KLHL29: variants seen among roughly 807,000 people sequenced by gnomAD.
KLHL29 encodes the protein kelch like family member 29.
A neutral mutation model predicts 80.4 loss-of-function variants in KLHL29; 21 were observed. That is an observed-to-expected ratio of 0.26 (90% CI 0.19 to 0.38). The LOEUF (loss-of-function observed/expected upper bound fraction) is 0.38, where lower values mean the gene tolerates loss of function less well. KLHL29 is among the 10% of genes least tolerant of loss of function. The pLI is 1.00. For missense variants in KLHL29, 867 were observed against 1,223.9 expected, an observed-to-expected ratio of 0.71 and a Z score of 4.35; for synonymous variants, 511 against 526.8, an observed-to-expected ratio of 0.97 and a Z score of 0.41.
intron 11 of KLHL29, among the ~76,000 whole-genome samples, chr2:23,699,455 C>T (rs55801864): frequency 0.099 from 15,069 of 152,214 alleles, 854 homozygotes; most frequent in Middle Eastern, 0.17. Flanking sequence ...CCAAGGAACC[C>T]GACAGAAACA....
At chr2:23,449,824 G>C (rs1302997177) in intron 1 of KLHL29, among the ~76,000 whole-genome samples, 1 of 152,138 alleles carries the variant, frequency 6.6e-6, no homozygotes, top group Non-Finnish European at 1.5e-5. Context: ...GCTTGGATGA[G>C]AGGCGTGGAG....
intron 3 of KLHL29, among the ~76,000 whole-genome samples, chr2:23,612,920 A>G (rs1040547639): frequency 2.4e-4 from 37 of 152,342 alleles, no homozygotes; most frequent in Admixed American, 2.3e-3. Context: ...AAGATAAAAA[A>G]TCTCTTATGA....
rs1488970964 is a variant in KLHL29 at position 23,707,311 on chromosome 2, GAGA to G, written c.*650_*652del. On this transcript the variant is annotated 3_prime_UTR_variant, in exon 14 of 14. Transcript: ENST00000486442. ...AGGTTTTTCTACTGTGTTTTTGCTGGAGAAGGACAGTGATTGCGCTAGCTTTCT... is the reference window on the plus strand; with the variant it reads ...AGGTTTTTCTACTGTGTTTTTGCTGGAGGACAGTGATTGCGCTAGCTTTCT... The G allele has an allele frequency of 6.6e-6, 1 of 152,196 alleles. No individual in the cohort carries two copies. The highest frequency in any genetic ancestry group is 2.4e-5 in the African/African-American group (1 of 41,446). 9.4% of individuals were successfully genotyped at this position (152,196 alleles called of 1,614,324 possible).
intron 5 of KLHL29, among the ~76,000 whole-genome samples, chr2:23,679,403 T>C (rs1029435170): frequency 1.9e-4 from 29 of 152,322 alleles, no homozygotes; most frequent in African/African-American, 6.7e-4. Context: ...GGCTTGTTCC[T>C]ATGGTGGTGG....
chr2:23,402,069 C>T (rs960951800), intron 1 of KLHL29, among the ~76,000 whole-genome samples: 1 of 152,164 alleles, frequency 6.6e-6, no homozygotes, highest in African/African-American at 2.4e-5. Flanking sequence ...AAGAGAATTA[C>T]CATACCTGAG....
At chr2:23,501,653 CTG>C (rs1241894551) in intron 2 of KLHL29, among the ~76,000 whole-genome samples, 4 of 152,140 alleles carry the variant, frequency 2.6e-5, no homozygotes, top group African/African-American at 4.8e-5. Flanking sequence ...TGATTTTTAA[CTG>C]TTACTGTTTT....
At chr2:23,678,661 A>C (rs1670987460) in intron 5 of KLHL29, among the ~76,000 whole-genome samples, 1 of 152,196 alleles carries the variant, frequency 6.6e-6, no homozygotes, top group South Asian at 2.1e-4. Context: ...GCAGCAACCC[A>C]AGCGTCCATC....
chr2:23,676,119 C>A (rs1670913413), intron 5 of KLHL29, among the ~76,000 whole-genome samples: 1 of 152,098 alleles, frequency 6.6e-6, no homozygotes, highest in Non-Finnish European at 1.5e-5. Flanking sequence ...TCTCATGGGA[C>A]CACAGGAGAG....
intron 3 of KLHL29, among the ~76,000 whole-genome samples, chr2:23,577,523 G>C (rs892442426): frequency 6.6e-6 from 1 of 151,830 alleles, no homozygotes; most frequent in Non-Finnish European, 1.5e-5. Flanking sequence ...GAGGCGGGTG[G>C]GTCACCTGAG....
At chr2:23,571,281 C>T (rs1416053335) in intron 3 of KLHL29, among the ~76,000 whole-genome samples, 1 of 152,214 alleles carries the variant, frequency 6.6e-6, no homozygotes. Flanking sequence ...GGGGCGTGGG[C>T]TGAGCCTGCC....
rs373713406 is a variant in KLHL29 at position 23,608,168 on chromosome 2, A to G, written c.286-30971A>G. Reference sequence around the variant, plus strand: ...CCATTCCCAGCATGATGGGAGGGAAAAAGGAATGCACAGAAGTCATTTGGA... The same window carrying G: ...CCATTCCCAGCATGATGGGAGGGAAGAAGGAATGCACAGAAGTCATTTGGA... On this transcript the variant is annotated intron_variant, in intron 3 of 13. Coordinates refer to ENST00000486442, the MANE Select transcript of KLHL29 (RefSeq NM_052920.2). Among the ~76,000 whole-genome samples, 10 of 152,358 alleles carry G rather than the reference A, an allele frequency of 6.6e-5. No homozygotes were observed. The East Asian group carries it at 1.7e-3, about 26-fold the overall frequency.
At chr2:23,532,051 A>AT (rs1329704526) in intron 2 of KLHL29, among the ~76,000 whole-genome samples, 1 of 152,200 alleles carries the variant, frequency 6.6e-6, no homozygotes, top group East Asian at 1.9e-4. Flanking sequence ...TGCCCAGAGC[A>AT]TCTCAAATAA....
At chr2:23,506,242 G>C (rs1356423725) in intron 2 of KLHL29, among the ~76,000 whole-genome samples, 1 of 152,220 alleles carries the variant, frequency 6.6e-6, no homozygotes, top group Non-Finnish European at 1.5e-5. Context: ...GTTGTTCACA[G>C]GTCATCCGCT....
At chr2:23,532,015 C>T (rs865783610) in intron 2 of KLHL29, among the ~76,000 whole-genome samples, 6 of 152,204 alleles carry the variant, frequency 3.9e-5, no homozygotes, top group Admixed American at 2.0e-4. Context: ...CCAGTGGAAG[C>T]CTCGACGGCC....
At chr2:23,507,518 G>T (rs1043308023) in intron 2 of KLHL29, among the ~76,000 whole-genome samples, 1 of 152,340 alleles carries the variant, frequency 6.6e-6, no homozygotes, top group South Asian at 2.1e-4. Context: ...CTTCGGGGAT[G>T]TCACAGCACC....
chr2:23,552,716 T>C (rs1667158965), intron 2 of KLHL29, among the ~76,000 whole-genome samples: 1 of 148,580 alleles, frequency 6.7e-6, no homozygotes, highest in Non-Finnish European at 1.5e-5. Context: ...GTCCCCAGAG[T>C]GGAAGCAGAC....
At chr2:23,585,080 G>A (rs552825388) in intron 3 of KLHL29, among the ~76,000 whole-genome samples, 6 of 152,346 alleles carry the variant, frequency 3.9e-5, no homozygotes, top group South Asian at 4.1e-4. Flanking sequence ...GACACAGACC[G>A]TAGTACCAGA....
intron 2 of KLHL29, among the ~76,000 whole-genome samples, chr2:23,532,831 A>G (rs1026715675): frequency 1.3e-5 from 2 of 152,088 alleles, no homozygotes; most frequent in Admixed American, 1.3e-4. Context: ...GGGTAAGGGG[A>G]GGATTGGCCC....
chr2:23,426,937 T>C (rs1189049865), intron 1 of KLHL29, among the ~76,000 whole-genome samples: 2 of 152,218 alleles, frequency 1.3e-5, no homozygotes, highest in African/African-American at 4.8e-5. Flanking sequence ...AAAAGAACAT[T>C]GCTTTCAAGG....
Sources: allele counts gnomAD v4.1 joint callset (sites outside exome capture counted in the v4.1 genomes callset), GRCh38; gene constraint gnomAD v4.1.1; transcripts MANE v1.5; gene names NCBI Gene and HGNC (gene_info 2026-07-23, HGNC 2026-07-21).